IQGAP2: variants seen among roughly 807,000 people sequenced by gnomAD.
IQGAP2 encodes the protein IQ motif containing GTPase activating protein 2, also known as ras GTPase-activating-like protein IQGAP2.
A neutral mutation model predicts 201.3 loss-of-function variants in IQGAP2; 173 were observed. The ratio of observed to expected loss-of-function variants is 0.86; its 90% CI spans 0.76 to 0.98. The LOEUF is 0.98. Ranked by LOEUF, IQGAP2 falls within the 50% of genes least tolerant of loss-of-function variation. IQGAP2 has a pLI of 0.00. For missense variants in IQGAP2, 1,687 were observed against 1,864.8 expected (o/e 0.90, Z 1.76); for synonymous variants, 675 against 673.9 (o/e 1.00, Z -0.03).
intron 23 of IQGAP2, among the ~76,000 whole-genome samples, chr5:76,670,260 C>G (rs1744188109): frequency 6.6e-6 from 1 of 152,166 alleles, no homozygotes; most frequent in African/African-American, 2.4e-5. Context: ...GCCTGTAGTC[C>G]CAGCACTTTG....
intron 30 of IQGAP2, among the ~76,000 whole-genome samples, chr5:76,691,105 C>T (rs952818072): frequency 4.6e-5 from 7 of 152,242 alleles, no homozygotes; most frequent in Non-Finnish European, 7.3e-5. Context: ...CCGTCCCCGT[C>T]GTCCTTAAGC....
chr5:76,619,917 CAG>C (rs1287780678), intron 13 of IQGAP2, among the ~76,000 whole-genome samples: 1 of 152,028 alleles, frequency 6.6e-6, no homozygotes, highest in Non-Finnish European at 1.5e-5. Context: ...TTGTCAAAGT[CAG>C]AGATTTGAAG....
rs369642947 is a variant in IQGAP2, at chr5:76,440,023, G to A, written c.47-21547G>A. Among the ~76,000 whole-genome samples the A allele has an allele frequency of 3.3e-5, 5 of 152,192 alleles. No individual in the cohort carries two copies. In the South Asian group the frequency reaches 8.3e-4, roughly 25 times the overall value. On this transcript the variant is annotated intron_variant, in intron 1 of 35. Transcript: ENST00000274364. ...GTTTCAAGATTTATAACTCCTTTTA[G>A]CATTTCTTGTGGGGTTGGTCTGGTT...
chr5:76,495,745 C>T (rs758052146), intron 2 of IQGAP2, among the ~76,000 whole-genome samples: 1 of 152,198 alleles, frequency 6.6e-6, no homozygotes, highest in Non-Finnish European at 1.5e-5. Flanking sequence ...CTGTGTACCA[C>T]ATGGCAGGAG....
At chr5:76,613,430 T>C (rs1446316500) in intron 13 of IQGAP2, among the ~76,000 whole-genome samples, 1 of 152,234 alleles carries the variant, frequency 6.6e-6, no homozygotes, top group East Asian at 1.9e-4. Context: ...AATCTCTATA[T>C]GCTTATTTTT....
At chr5:76,451,259 A>G (rs563553299) in intron 1 of IQGAP2, among the ~76,000 whole-genome samples, 109 of 152,162 alleles carry the variant, frequency 7.2e-4, no homozygotes, top group African/African-American at 2.6e-3. Flanking sequence ...TTCTTCCCCC[A>G]TACCGTGCTC....
intron 2 of IQGAP2, among the ~76,000 whole-genome samples, chr5:76,528,834 T>C (rs1185593082): frequency 6.6e-6 from 1 of 152,340 alleles, no homozygotes; most frequent in East Asian, 1.9e-4. Flanking sequence ...TCCTCATAGA[T>C]GACTCTTTGC....
In IQGAP2 at chr5:76,539,518, C is replaced by T. The variant is rs114843002; in HGVS notation, c.147-22878C>T. Among the ~76,000 whole-genome samples the T allele has an allele frequency of 3.0e-3, 451 of 152,276 alleles. 5 individuals carry two copies. Among genetic ancestry groups the T allele is most frequent in the African/African-American group, 0.01 (427 of 41,562 alleles). On this transcript the variant is annotated intron_variant, in intron 2 of 35. Coordinates refer to ENST00000274364, the MANE Select transcript of IQGAP2 (RefSeq NM_006633.5). ...CAGCAGTCAGACTAGGAGCAAGATG[C>T]TCATCTCTCCTTCTTGCAGGTATCC...
chr5:76,656,545 T>C (rs962800728), intron 20 of IQGAP2, among the ~76,000 whole-genome samples: 8 of 152,066 alleles, frequency 5.3e-5, no homozygotes, highest in African/African-American at 1.9e-4. Flanking sequence ...AACACTAAAA[T>C]ATGTTTGCTG....
intron 2 of IQGAP2, among the ~76,000 whole-genome samples, chr5:76,521,706 A>T (rs1042713134): frequency 6.6e-6 from 1 of 152,184 alleles, no homozygotes; most frequent in Non-Finnish European, 1.5e-5. Context: ...TCACTGTAGC[A>T]TTTTGGAATG....
At chr5:76,433,306 T>C (rs189592825) in intron 1 of IQGAP2, among the ~76,000 whole-genome samples, 1 of 152,314 alleles carries the variant, frequency 6.6e-6, no homozygotes, top group South Asian at 2.1e-4. Flanking sequence ...CTAGAACTTT[T>C]ATGGTTTTAG....
At chr5:76,557,522 A>G (rs938131434) in intron 2 of IQGAP2, among the ~76,000 whole-genome samples, 8 of 152,202 alleles carry the variant, frequency 5.3e-5, no homozygotes, top group African/African-American at 1.7e-4. Context: ...GCCTAATGTT[A>G]AAAAAAGTAA....
chr5:76,495,478 G>A (rs1208209577), intron 2 of IQGAP2, among the ~76,000 whole-genome samples: 4 of 152,208 alleles, frequency 2.6e-5, no homozygotes, highest in African/African-American at 9.6e-5. Context: ...CAGCTGGCAG[G>A]AGTAGAGTCT....
At chr5:76,408,180 A>G (rs1750901462) in intron 1 of IQGAP2, among the ~76,000 whole-genome samples, 2 of 152,146 alleles carry the variant, frequency 1.3e-5, no homozygotes, top group Non-Finnish European at 2.9e-5. Context: ...AAAACCTAGT[A>G]TACAAACAGA....
intron 6 of IQGAP2, 106 bp downstream of exon 6, chr5:76,589,079 C>A: frequency 1.7e-6 from 1 of 583,342 alleles, no homozygotes. Context: ...TTTGGGAGGC[C>A]GAGGCGGGCG....
intron 2 of IQGAP2, among the ~76,000 whole-genome samples, chr5:76,521,112 G>T (rs534710278): frequency 2.7e-5 from 2 of 73,174 alleles, no homozygotes; most frequent in East Asian, 1.1e-3. Flanking sequence ...ATGTTTGGGG[G>T]TTTTTTGTTT....
At chr5:76,526,558 A>T (rs191517516) in intron 2 of IQGAP2, among the ~76,000 whole-genome samples, 173 of 152,324 alleles carry the variant, frequency 1.1e-3, no homozygotes, top group African/African-American at 3.9e-3. Context: ...AGTTGCAAAG[A>T]AACAGCTTTT....
intron 35 of IQGAP2, among the ~76,000 whole-genome samples, chr5:76,705,592 A>G (rs1050713684): frequency 2.6e-5 from 4 of 152,214 alleles, no homozygotes; most frequent in African/African-American, 9.6e-5. Flanking sequence ...CCAGAGGAAA[A>G]GTGAATCTCC....
At chr5:76,569,153 A>C (rs1481116497) in intron 3 of IQGAP2, among the ~76,000 whole-genome samples, 2 of 152,144 alleles carry the variant, frequency 1.3e-5, no homozygotes, top group Non-Finnish European at 2.9e-5. Context: ...ATAATCAAAC[A>C]ATCTAGGTCC....
Sources: gnomAD v4.1 joint callset for allele counts (sites outside exome capture counted in the v4.1 genomes callset) on GRCh38, gnomAD v4.1.1 for gene constraint, MANE v1.5 for transcripts, NCBI Gene and HGNC (gene_info 2026-07-23, HGNC 2026-07-21) for gene names.